The following FERMT2 variants were observed in gnomAD, a reference collection of about 807,000 sequenced individuals.
The protein encoded by FERMT2 is FERM domain containing kindlin 2, also known as fermitin family homolog 2.
In FERMT2, 15 loss-of-function variants were observed where a neutral mutation model predicts 82.7. The observed-to-expected ratio is 0.18, with a 90% CI of 0.12 to 0.28. The LOEUF is 0.28. FERMT2 is among the 10% of genes least tolerant of loss of function. The pLI, the probability that FERMT2 is intolerant of heterozygous loss-of-function variation, is 1.00. For missense variants in FERMT2, 645 were observed against 809.4 expected (o/e 0.80, Z 2.46); for synonymous variants, 274 against 271.5 (o/e 1.01, Z -0.09).
At chr14:52,877,052 G>A (rs1177770393) in intron 7 of FERMT2, among the ~76,000 whole-genome samples, 8 of 152,146 alleles carry the variant, frequency 5.3e-5, no homozygotes, top group Non-Finnish European at 1.2e-4. Flanking sequence ...TACACTCGGG[G>A]AGGTGGGCTG....
At position 52,864,633 on chromosome 14, in the gene FERMT2, G is replaced by C. The variant is rs373948864; in HGVS notation, c.1381-11C>G. The C allele has an allele frequency of 7.4e-6, 12 of 1,611,350 alleles. No homozygotes were observed. The African/African-American group carries it at 1.6e-4, about 22-fold the overall frequency. ...TGCATACTGTTTTTCCTGGAGAAAAGAAATACTGATGTGTGCAATGTATCA... is the reference window on the plus strand; with the variant it reads ...TGCATACTGTTTTTCCTGGAGAAAACAAATACTGATGTGTGCAATGTATCA... On this transcript the variant is annotated splice_polypyrimidine_tract_variant and intron_variant, in intron 11 of 14. Transcript: ENST00000341590.
intron 2 of FERMT2, among the ~76,000 whole-genome samples, chr14:52,929,196 T>A (rs564991795): frequency 2.2e-4 from 34 of 152,184 alleles, no homozygotes; most frequent in Non-Finnish European, 4.4e-4. Context: ...AAGCTAGGAA[T>A]CTGAAAGTCA....
chr14:52,913,570 T>G (rs1424065558), intron 3 of FERMT2, among the ~76,000 whole-genome samples: 1 of 152,114 alleles, frequency 6.6e-6, no homozygotes, highest in Non-Finnish European at 1.5e-5. Flanking sequence ...CTATCTGGAC[T>G]TTATGGTTTC....
At chr14:52,921,034 C>T (rs536906619) in intron 2 of FERMT2, among the ~76,000 whole-genome samples, 1 of 152,022 alleles carries the variant, frequency 6.6e-6, no homozygotes, top group Non-Finnish European at 1.5e-5. Flanking sequence ...TATAGTCGTA[C>T]CTTTAAAAAG....
chr14:52,918,261 C>T (rs1211937437), intron 3 of FERMT2, among the ~76,000 whole-genome samples: 1 of 151,862 alleles, frequency 6.6e-6, no homozygotes, highest in Non-Finnish European at 1.5e-5. Context: ...TTAAAAAATA[C>T]ATATAAAATG....
chr14:52,931,136 T>C (rs1156891283), intron 2 of FERMT2, among the ~76,000 whole-genome samples: 1 of 152,142 alleles, frequency 6.6e-6, no homozygotes. Context: ...TAATAAATAC[T>C]TTCCAAGTAA....
chr14:52,907,261 C>T (rs1440523836), intron 3 of FERMT2, among the ~76,000 whole-genome samples: 1 of 152,090 alleles, frequency 6.6e-6, no homozygotes, highest in Non-Finnish European at 1.5e-5. Context: ...GATCTTTGGC[C>T]TCCCAAAGTG....
At chr14:52,864,643 T>C (rs759399416) in intron 11 of FERMT2, 21 bp from the exon 12 acceptor site, 5 of 1,600,430 alleles carry the variant, frequency 3.1e-6, no homozygotes, top group Non-Finnish European at 4.3e-6. Context: ...GAAATACTGA[T>C]GTGTGCAATG....
Position 52,858,274 on chromosome 14 carries a change from A to AAC in FERMT2, c.*102_*103insGT. On this transcript the variant is annotated 3_prime_UTR_variant, in exon 15 of 15. Transcript: ENST00000341590. ...GTAAGGCAAAGAAGTTTTCATGATA[A>AAC]AATGATAAATTTCAAGCTTACTTTA... is the stretch of plus-strand genomic sequence containing the variant. The AAC allele has an allele frequency of 9.6e-7, 1 of 1,045,968 alleles. No individual in the cohort carries two copies. The highest frequency in any genetic ancestry group is 1.6e-5 in the African/African-American group (1 of 63,318). 64.8% of individuals were successfully genotyped at this position (1,045,968 alleles called of 1,614,324 possible).
chr14:52,875,484 T>A, intron 7 of FERMT2, 127 bp from the exon 8 acceptor site: 1 of 616,398 alleles, frequency 1.6e-6, no homozygotes, highest in Non-Finnish European at 2.7e-6. Flanking sequence ...GTCTAGGAAC[T>A]AGAACGATAG....
In FERMT2 at chr14:52,919,286, A is replaced by G. The variant is rs1888804144; in HGVS notation, c.228T>C (p.His76=). The change falls in exon 3 of 15, where the codon CAT becomes CAC. Residue 76 remains histidine, a synonymous_variant. Transcript: ENST00000341590. ...EKKRTWLLKT[H]WTLDKYGIQA... is the part of the protein sequence containing the mutation. ...GAATACCATACTTATCTAAGGTCCAATGTGTCTTCAGAAGCCAAGTTCTCT... is the reference window on the plus strand; with the variant it reads ...GAATACCATACTTATCTAAGGTCCAGTGTGTCTTCAGAAGCCAAGTTCTCT... 3 of 1,613,964 alleles carry G rather than the reference A, an allele frequency of 1.9e-6. No homozygotes were observed. The highest frequency in any genetic ancestry group is 1.3e-5 in the African/African-American group (1 of 74,906).
chr14:52,926,953 C>T (rs1464200763), intron 2 of FERMT2, among the ~76,000 whole-genome samples: 1 of 151,620 alleles, frequency 6.6e-6, no homozygotes, highest in Admixed American at 6.6e-5. Flanking sequence ...TTTCTGTGTC[C>T]CTCCTCCCTT....
chr14:52,935,531 T>C (rs1889797138), intron 2 of FERMT2, among the ~76,000 whole-genome samples: 1 of 152,182 alleles, frequency 6.6e-6, no homozygotes, highest in African/African-American at 2.4e-5. Context: ...GCTGGTTTCC[T>C]ATCTCTCCTT....
chr14:52,859,400 C>T (rs1168368798), intron 14 of FERMT2, 173 bp downstream of exon 14: 4 of 568,650 alleles, frequency 7.0e-6, no homozygotes, highest in African/African-American at 1.9e-5. Flanking sequence ...AGTAACTGGG[C>T]TAATTATGAA....
chr14:52,886,160 T>C (rs1181391670), intron 4 of FERMT2, among the ~76,000 whole-genome samples: 1 of 152,174 alleles, frequency 6.6e-6, no homozygotes, highest in Non-Finnish European at 1.5e-5. Flanking sequence ...ATACTACTTA[T>C]TGTCAAACTG....
At chr14:52,874,079 C>A in intron 9 of FERMT2, 98 bp downstream of exon 9, 2 of 643,546 alleles carry the variant, frequency 3.1e-6, no homozygotes, top group Non-Finnish European at 5.1e-6. Context: ...ACAGTAGATG[C>A]GTTTGTTAGT....
intron 3 of FERMT2, among the ~76,000 whole-genome samples, chr14:52,894,714 T>A (rs1887151167): frequency 6.6e-6 from 1 of 152,068 alleles, no homozygotes; most frequent in South Asian, 2.1e-4. Context: ...CATATATATA[T>A]GTTTTAAAGA....
chr14:52,887,254 C>T (rs1240131160), intron 4 of FERMT2, among the ~76,000 whole-genome samples: 1 of 151,856 alleles, frequency 6.6e-6, no homozygotes, highest in African/African-American at 2.4e-5. Context: ...TCTCCTGCCT[C>T]AGCCTCCCTA....
At chr14:52,859,166 T>TGGCC (rs1884747396) in intron 14 of FERMT2, 5 of 160,482 alleles carry the variant, frequency 3.1e-5, no homozygotes, top group African/African-American at 1.2e-4. Flanking sequence ...TAGACAATGA[T>TGGCC]GGCCCTCAGG....
Sources: gnomAD v4.1 joint callset for allele counts (sites outside exome capture counted in the v4.1 genomes callset) on GRCh38, gnomAD v4.1.1 for gene constraint, MANE v1.5 for transcripts, NCBI Gene and HGNC (gene_info 2026-07-23, HGNC 2026-07-21) for gene names.